The following NR3C2 variants were observed in gnomAD, a reference collection of about 807,000 sequenced individuals.
NR3C2 encodes mineralocorticoid receptor.
NR3C2 carries 15 observed loss-of-function variants against 86.4 expected under a neutral mutation model. The ratio of observed to expected loss-of-function variants is 0.17; its 90% CI spans 0.12 to 0.27. The LOEUF (loss-of-function observed/expected upper bound fraction) is 0.27, where lower values mean the gene tolerates loss of function less well. Among genes scored for constraint, NR3C2 ranks in the 10% least tolerant of loss-of-function variants. The pLI, the probability that NR3C2 is intolerant of heterozygous loss-of-function variation, is 1.00. For synonymous variants in NR3C2, 458 were observed against 450.5 expected, an observed-to-expected ratio of 1.02 and a Z score of -0.21; for missense variants, 960 against 1,195.6, an observed-to-expected ratio of 0.80 and a Z score of 2.91.
chr4:148,358,211 G>C (rs1167446874), intron 2 of NR3C2, among the ~76,000 whole-genome samples: 1 of 152,066 alleles, frequency 6.6e-6, no homozygotes, highest in African/African-American at 2.4e-5. Flanking sequence ...GCGAAGACTT[G>C]GAACCAACCC....
At chr4:148,295,169 T>C (rs1235711302) in intron 2 of NR3C2, among the ~76,000 whole-genome samples, 1 of 152,132 alleles carries the variant, frequency 6.6e-6, no homozygotes. Flanking sequence ...TGCCTGATCT[T>C]AGACATTCTA....
chr4:148,261,662 G>C (rs1740130744), intron 2 of NR3C2, among the ~76,000 whole-genome samples: 1 of 152,192 alleles, frequency 6.6e-6, no homozygotes, highest in Non-Finnish European at 1.5e-5. Flanking sequence ...CAGAAAACTG[G>C]ATAGAGTTGC....
intron 8 of NR3C2, among the ~76,000 whole-genome samples, chr4:148,102,916 A>C (rs918744169): frequency 3.9e-5 from 6 of 152,306 alleles, no homozygotes; most frequent in Admixed American, 1.3e-4. Context: ...TCAGCTCCAG[A>C]TTCTCTACAG....
intron 3 of NR3C2, among the ~76,000 whole-genome samples, chr4:148,199,576 C>G (rs1177491312): frequency 6.6e-6 from 1 of 151,994 alleles, no homozygotes; most frequent in Admixed American, 6.5e-5. Flanking sequence ...TTGCCAGGAG[C>G]CTTGAGGAAA....
intron 6 of NR3C2, among the ~76,000 whole-genome samples, chr4:148,145,977 G>C (rs1336852332): frequency 6.6e-6 from 1 of 152,098 alleles, no homozygotes; most frequent in Non-Finnish European, 1.5e-5. Context: ...GGAGCAGGGA[G>C]AAGTGAGAAG....
chr4:148,369,314 C>T (rs1445278272), intron 2 of NR3C2, among the ~76,000 whole-genome samples: 1 of 152,038 alleles, frequency 6.6e-6, no homozygotes, highest in Non-Finnish European at 1.5e-5. Context: ...CTTAAAGTAC[C>T]CATAACATGA....
chr4:148,377,353 G>T (rs146334664), intron 2 of NR3C2, among the ~76,000 whole-genome samples: 2 of 152,262 alleles, frequency 1.3e-5, no homozygotes, highest in Admixed American at 1.3e-4. Context: ...TAATGATGGT[G>T]TTTCCTATGG....
At chr4:148,135,785 G>A (rs1560939625) in intron 6 of NR3C2, among the ~76,000 whole-genome samples, 2 of 151,916 alleles carry the variant, frequency 1.3e-5, no homozygotes, top group Non-Finnish European at 1.5e-5. Flanking sequence ...GGCCGGGCGC[G>A]GTGGCTCACG....
At chr4:148,331,201 T>C (rs550638604) in intron 2 of NR3C2, among the ~76,000 whole-genome samples, 24 of 152,198 alleles carry the variant, frequency 1.6e-4, no homozygotes, top group African/African-American at 5.8e-4. Context: ...AAAAAAAATA[T>C]GTCATTTTGC....
intron 2 of NR3C2, among the ~76,000 whole-genome samples, chr4:148,269,108 G>C (rs866359202): frequency 1.3e-5 from 2 of 152,050 alleles, no homozygotes; most frequent in South Asian, 2.1e-4. Context: ...CTGAAGTGAA[G>C]GGTAGAGAAG....
chr4:148,106,129 A>G (rs1306852297), intron 8 of NR3C2, among the ~76,000 whole-genome samples: 3 of 152,236 alleles, frequency 2.0e-5, no homozygotes, highest in African/African-American at 7.2e-5. Flanking sequence ...CATCTCAGCC[A>G]AAATCTCCTT....
intron 6 of NR3C2, among the ~76,000 whole-genome samples, chr4:148,120,588 G>A (rs1435230419): frequency 6.6e-6 from 1 of 152,174 alleles, no homozygotes; most frequent in African/African-American, 2.4e-5. Context: ...ACTGACTGAT[G>A]AGGATTTTAG....
intron 6 of NR3C2, among the ~76,000 whole-genome samples, chr4:148,141,437 C>T (rs1578930825): frequency 6.9e-6 from 1 of 145,206 alleles, no homozygotes; most frequent in Non-Finnish European, 1.5e-5. Context: ...CTCTCTCTCT[C>T]CCTCTCTCTC....
intron 4 of NR3C2, among the ~76,000 whole-genome samples, chr4:148,178,740 G>GGGT (rs1211523806): frequency 6.6e-6 from 1 of 151,408 alleles, no homozygotes; most frequent in Non-Finnish European, 1.5e-5. Context: ...GCCCTGTTCT[G>GGGT]GGTGGTGACT....
At chr4:148,124,924 C>G (rs1194742547) in intron 6 of NR3C2, among the ~76,000 whole-genome samples, 1 of 152,208 alleles carries the variant, frequency 6.6e-6, no homozygotes, top group African/African-American at 2.4e-5. Context: ...AATTCTCTCT[C>G]AAACATTTCT....
intron 3 of NR3C2, among the ~76,000 whole-genome samples, chr4:148,249,839 T>G (rs1268070146): frequency 6.6e-6 from 1 of 152,212 alleles, no homozygotes; most frequent in Non-Finnish European, 1.5e-5. Context: ...GAGCTTCAAA[T>G]AGGGCCAACC....
In NR3C2 at chr4:148,111,980, A is replaced by G. The variant is rs1051183103; in HGVS notation, c.2799+2124T>C. 4.6e-5 allele frequency among the ~76,000 whole-genome samples: 7 copies of G among 152,212 alleles called. No homozygotes were observed. In the East Asian group the frequency reaches 5.8e-4, roughly 13 times the overall value. ...ACTTTAAATTTGTTCAGTTTATTCT[A>G]TATCAGTTATACCTCAATTAAGAAA... On this transcript the variant is annotated intron_variant, in intron 8 of 8. Coordinates refer to ENST00000358102, the MANE Select transcript of NR3C2 (RefSeq NM_000901.5).
At chr4:148,188,091 G>T (rs978154560) in intron 4 of NR3C2, among the ~76,000 whole-genome samples, 1 of 152,002 alleles carries the variant, frequency 6.6e-6, no homozygotes, top group Non-Finnish European at 1.5e-5. Context: ...TTTTTATACC[G>T]GTACTACACT....
chr4:148,399,683 G>GACACACACAC lies in NR3C2; in HGVS notation c.1757+35411_1757+35420dup, dbSNP rs3045291. On this transcript the variant is annotated intron_variant, in intron 2 of 8. Transcript: ENST00000358102. The stretch of plus-strand genomic sequence containing the variant: ...CATCGACAAAGTTTCTATATATACA[G>GACACACACAC]ACACACACACACACACACACACACA... 5.3e-5 allele frequency among the ~76,000 whole-genome samples: 8 copies of GACACACACAC among 150,654 alleles called. No individual in the cohort carries two copies. The South Asian group carries it at 8.4e-4, about 16-fold the overall frequency.
Sources: gnomAD v4.1 joint callset for allele counts (sites outside exome capture counted in the v4.1 genomes callset) on GRCh38, gnomAD v4.1.1 for gene constraint, MANE v1.5 for transcripts, NCBI Gene and HGNC (gene_info 2026-07-23, HGNC 2026-07-21) for gene names.